Variants in SDC2 observed in about 807,000 individuals in gnomAD.
SDC2 encodes the protein syndecan-2.
SDC2 carries 13 observed loss-of-function variants against 22.2 expected under a neutral mutation model. The ratio of observed to expected loss-of-function variants is 0.59; its 90% CI spans 0.38 to 0.93. The LOEUF (loss-of-function observed/expected upper bound fraction) is 0.93. SDC2 is among the 40% of genes least tolerant of loss of function. The probability of loss-of-function intolerance (pLI) is 0.00; values close to 1 mark genes in which losing one functional copy is unlikely to be tolerated. For synonymous variants in SDC2, 94 were observed against 92.8 expected, an observed-to-expected ratio of 1.01 and a Z score of -0.07; for missense variants, 235 against 246.8, an observed-to-expected ratio of 0.95 and a Z score of 0.32.
At chr8:96,580,365 A>T (rs1004554110) in intron 1 of SDC2, 2 of 985,230 alleles carry the variant, frequency 2.0e-6, no homozygotes, top group African/African-American at 3.5e-5. Context: ...GTTCCAGAGC[A>T]TTTGCCAAAG....
intron 1 of SDC2, among the ~76,000 whole-genome samples, chr8:96,551,416 A>T (rs2582842): frequency 3.3e-5 from 5 of 152,144 alleles, no homozygotes; most frequent in Admixed American, 2.6e-4. Context: ...TGTGCCAAGT[A>T]CCTATTCCAA....
chr8:96,563,706 A>G (rs1814249263), intron 1 of SDC2, among the ~76,000 whole-genome samples: 1 of 152,234 alleles, frequency 6.6e-6, no homozygotes, highest in African/African-American at 2.4e-5. Context: ...TTTGGTTAAA[A>G]GAAACATCGA....
intron 1 of SDC2, among the ~76,000 whole-genome samples, chr8:96,562,156 A>C (rs185645197): frequency 4.5e-4 from 68 of 152,068 alleles, no homozygotes; most frequent in African/African-American, 1.4e-3. Context: ...ATCCATTTTG[A>C]GTTAATTTTT....
At chr8:96,608,960 T>A (rs968479378) in intron 4 of SDC2, among the ~76,000 whole-genome samples, 1 of 152,240 alleles carries the variant, frequency 6.6e-6, no homozygotes, top group African/African-American at 2.4e-5. Flanking sequence ...CACTTGGTAG[T>A]CTCAAATCCA....
intron 1 of SDC2, among the ~76,000 whole-genome samples, chr8:96,559,511 A>G (rs770083048): frequency 1.3e-5 from 2 of 152,194 alleles, no homozygotes; most frequent in Middle Eastern, 3.2e-3. Context: ...TTGACTTGCT[A>G]TGTTCATGAG....
intron 1 of SDC2, among the ~76,000 whole-genome samples, chr8:96,590,990 G>C (rs1814771229): frequency 6.6e-6 from 1 of 152,146 alleles, no homozygotes; most frequent in Non-Finnish European, 1.5e-5. Flanking sequence ...ATACAGGCCT[G>C]ACGGCTGTCC....
chr8:96,510,233 C>T (rs1310678568), intron 1 of SDC2, among the ~76,000 whole-genome samples: 5 of 152,118 alleles, frequency 3.3e-5, no homozygotes, highest in African/African-American at 4.8e-5. Flanking sequence ...ATGTATAGGT[C>T]CTACATAGGT....
rs1488150576 is a variant in SDC2, at chr8:96,608,453, G to A, written c.425G>A (p.Arg142Gln). Residue 142 changes from arginine (R) to glutamine (Q), a missense_variant, in exon 4 of 5, where the codon CGG (arginine) becomes CAG (glutamine). Arg to Gln is a conservative substitution (Grantham distance 43). Coordinates refer to ENST00000302190, the MANE Select transcript of SDC2 (RefSeq NM_002998.4). The stretch of plus-strand genomic sequence containing the variant: ...AAACACTCAGACAGTCTGTTTAAAC[G>A]GACAGAAGTCCTAGCAGGTGAGTAG... ...TEKHSDSLFK[R>Q]TEVLAAVIAG... 13 of 1,612,288 alleles carry A rather than the reference G, an allele frequency of 8.1e-6. No individual in the cohort carries two copies. The highest frequency in any genetic ancestry group is 2.7e-5 in the African/African-American group (2 of 74,876).
At chr8:96,584,660 T>C (rs996761275) in intron 1 of SDC2, among the ~76,000 whole-genome samples, 1 of 152,230 alleles carries the variant, frequency 6.6e-6, no homozygotes, top group Non-Finnish European at 1.5e-5. Context: ...CTGTTTTTAC[T>C]CTAGTCTAAA....
At chr8:96,517,307 C>A (rs936804651) in intron 1 of SDC2, among the ~76,000 whole-genome samples, 2 of 152,114 alleles carry the variant, frequency 1.3e-5, no homozygotes, top group African/African-American at 2.4e-5. Context: ...TAATAGTGTC[C>A]TTTGAAGCAC....
chr8:96,494,986 C>T (rs1485421885), intron 1 of SDC2, among the ~76,000 whole-genome samples: 2 of 152,224 alleles, frequency 1.3e-5, no homozygotes, highest in African/African-American at 4.8e-5. Context: ...CGGAACGCGT[C>T]CGAAAATGCT....
At chr8:96,575,863 G>A (rs552584758) in intron 1 of SDC2, among the ~76,000 whole-genome samples, 1 of 152,292 alleles carries the variant, frequency 6.6e-6, no homozygotes, top group East Asian at 1.9e-4. Flanking sequence ...CCCAATGAAA[G>A]TGCACCAAAG....
chr8:96,586,730 T>A (rs1814693467), intron 1 of SDC2, among the ~76,000 whole-genome samples: 1 of 152,242 alleles, frequency 6.6e-6, no homozygotes, highest in African/African-American at 2.4e-5. Context: ...AATGTGATTC[T>A]ACCTTCATGT....
intron 2 of SDC2, among the ~76,000 whole-genome samples, chr8:96,599,196 C>T (rs975609383): frequency 7.9e-5 from 12 of 152,132 alleles, no homozygotes; most frequent in African/African-American, 2.7e-4. Context: ...CGGCCTCGGC[C>T]TCCCAAAGTG....
chr8:96,597,890 T>G (rs1050915097), intron 2 of SDC2, among the ~76,000 whole-genome samples: 1 of 152,244 alleles, frequency 6.6e-6, no homozygotes, highest in African/African-American at 2.4e-5. Context: ...CTAATTGTAT[T>G]TATTCCTTCT....
intron 1 of SDC2, among the ~76,000 whole-genome samples, chr8:96,587,576 C>A (rs1170446567): frequency 1.3e-5 from 2 of 152,108 alleles, no homozygotes; most frequent in South Asian, 2.1e-4. Flanking sequence ...TAATGAATGA[C>A]AATTGGTGTA....
At chr8:96,539,400 T>C (rs1813809509) in intron 1 of SDC2, among the ~76,000 whole-genome samples, 2 of 152,248 alleles carry the variant, frequency 1.3e-5, no homozygotes, top group African/African-American at 4.8e-5. Context: ...TGTGCACGTA[T>C]AAAGTACTGA....
At chr8:96,506,516 G>T (rs1484895851) in intron 1 of SDC2, among the ~76,000 whole-genome samples, 1 of 151,958 alleles carries the variant, frequency 6.6e-6, no homozygotes, top group African/African-American at 2.4e-5. Flanking sequence ...TCATTCTGTT[G>T]CCCAGGCTGC....
At chr8:96,501,359 T>A (rs1813162839) in intron 1 of SDC2, among the ~76,000 whole-genome samples, 1 of 133,164 alleles carries the variant, frequency 7.5e-6, no homozygotes. Context: ...CAGGCTGGAG[T>A]GCAGTGGCAT....
Sources: gnomAD v4.1 joint callset for allele counts (sites outside exome capture counted in the v4.1 genomes callset) on GRCh38, gnomAD v4.1.1 for gene constraint, MANE v1.5 for transcripts, NCBI Gene and HGNC (gene_info 2026-07-23, HGNC 2026-07-21) for gene names.